NCALD: variants seen among roughly 807,000 people sequenced by gnomAD.
NCALD encodes neurocalcin delta, also known as neurocalcin-delta.
Under a neutral mutation model 18.6 loss-of-function variants are expected in NCALD, and 10 were observed. That is an observed-to-expected ratio of 0.54 (90% CI 0.33 to 0.91). NCALD has a LOEUF of 0.91. Among genes scored for constraint, NCALD ranks in the 40% least tolerant of loss-of-function variants. NCALD has a pLI of 0.03. For synonymous variants in NCALD, 88 were observed against 87.4 expected (o/e 1.01, Z -0.04); for missense variants, 184 against 247.6 (o/e 0.74, Z 1.72).
chr8:101,749,283 G>T (rs1026923990), intron 1 of NCALD, among the ~76,000 whole-genome samples: 1 of 152,160 alleles, frequency 6.6e-6, no homozygotes, highest in Non-Finnish European at 1.5e-5. Flanking sequence ...TGGCTCTGCA[G>T]AATGGATAGT....
chr8:102,124,812 T>G (rs1826059738), upstream of NCALD: 1 of 152,198 alleles, frequency 6.6e-6, no homozygotes, highest in Non-Finnish European at 1.5e-5. Flanking sequence ...GGGGGCTGCT[T>G]TTGTCTAACT....
At chr8:101,696,503 A>G (rs1814999157) in intron 2 of NCALD, among the ~76,000 whole-genome samples, 1 of 152,176 alleles carries the variant, frequency 6.6e-6, no homozygotes, top group Admixed American at 6.5e-5. Context: ...GCAAAACACC[A>G]TGTGGAAGCC....
At chr8:101,730,372 C>A (rs868451482) in intron 1 of NCALD, among the ~76,000 whole-genome samples, 1 of 145,998 alleles carries the variant, frequency 6.8e-6, no homozygotes. Context: ...CCCAGCTACT[C>A]GGGAGGCTGA....
intron 4 of NCALD, among the ~76,000 whole-genome samples, chr8:101,815,315 A>T (rs1193594420): frequency 1.3e-5 from 2 of 152,082 alleles, no homozygotes; most frequent in East Asian, 3.8e-4. Context: ...GACCCACATA[A>T]ATACAGTCAT....
At position 101,856,368 on chromosome 8, in the gene NCALD, T is replaced by G. The variant is rs192016401; in HGVS notation, c.-20+30773A>C. On this transcript the variant is annotated intron_variant, in intron 4 of 6. Coordinates refer to the NCALD transcript ENST00000311028. ...TTATATTTTTCTTTGAGATGAGGTT[T>G]CTCTATGTTGCCCAGGCTGGCCTTG... Among the ~76,000 whole-genome samples the G allele has an allele frequency of 1.1e-3, 160 of 152,230 alleles. 2 individuals carry two copies. The highest frequency in any genetic ancestry group is 0.01 in the South Asian group (49 of 4,832).
chr8:101,864,785 G>A lies in NCALD; in HGVS notation c.-20+22356C>T, dbSNP rs187042171. ...AGTTTTTGGTATTTTTAGTAGAGAC[G>A]GGGTTTCACCATGTTGGCTAGGCTG... On this transcript the variant is annotated intron_variant, in intron 4 of 6. Transcript: ENST00000311028. 1.9e-3 allele frequency among the ~76,000 whole-genome samples: 291 copies of A among 151,884 alleles called. 2 individuals carry two copies. Among genetic ancestry groups the A allele is most frequent in the Non-Finnish European group, 2.9e-3 (194 of 67,932 alleles).
At chr8:101,794,409 C>A (rs1253173584), upstream of NCALD, among the ~76,000 whole-genome samples, 3 of 151,912 alleles carry the variant, frequency 2.0e-5, no homozygotes, top group Non-Finnish European at 4.4e-5. Context: ...CTCCAACCCC[C>A]AACCTCAAAA....
intron 4 of NCALD, among the ~76,000 whole-genome samples, chr8:101,806,837 T>C (rs1382018935): frequency 6.8e-6 from 1 of 147,060 alleles, no homozygotes; most frequent in Non-Finnish European, 1.5e-5. Flanking sequence ...TAAACACAAA[T>C]AGATCCACAC....
At chr8:101,830,672 T>G (rs1004277307) in intron 4 of NCALD, among the ~76,000 whole-genome samples, 9 of 152,106 alleles carry the variant, frequency 5.9e-5, no homozygotes, top group African/African-American at 2.2e-4. Flanking sequence ...GGGGCTCCAC[T>G]GCCTTTGGGG....
intron 4 of NCALD, among the ~76,000 whole-genome samples, chr8:101,818,760 C>T (rs749611516): frequency 9.2e-5 from 14 of 152,142 alleles, no homozygotes; most frequent in Non-Finnish European, 1.5e-4. Context: ...AATCCCAGCA[C>T]TTTGGGAGGC....
In NCALD at chr8:102,074,775, G is replaced by T. The variant is rs972675922; in HGVS notation, c.-210+49462C>A. On this transcript the variant is annotated intron_variant, in intron 1 of 6. Coordinates refer to the NCALD transcript ENST00000311028. ...TACTTTCTTCTATAAAGAACTTGAAGATGCTTGTAAAATATATGCAATAAA... is the reference window on the plus strand; with the variant it reads ...TACTTTCTTCTATAAAGAACTTGAATATGCTTGTAAAATATATGCAATAAA... 2.6e-4 allele frequency among the ~76,000 whole-genome samples: 40 copies of T among 152,288 alleles called. No individual in the cohort carries two copies. In the Middle Eastern group the frequency reaches 0.01, roughly 39 times the overall value.
At chr8:102,050,017 C>A (rs1486821248) in intron 1 of NCALD, among the ~76,000 whole-genome samples, 1 of 149,444 alleles carries the variant, frequency 6.7e-6, no homozygotes. Flanking sequence ...AAAAAATTAG[C>A]CGGGCGCGGT....
chr8:101,835,032 T>C (rs573187859), intron 4 of NCALD, among the ~76,000 whole-genome samples: 9 of 152,360 alleles, frequency 5.9e-5, no homozygotes, highest in African/African-American at 2.2e-4. Context: ...AGAGATTAAC[T>C]GGGTCAAAAG....
chr8:101,959,213 C>T (rs1381677403), intron 2 of NCALD, among the ~76,000 whole-genome samples: 1 of 152,054 alleles, frequency 6.6e-6, no homozygotes, highest in South Asian at 2.1e-4. Context: ...TTGAAGATTA[C>T]AGGCTAGTTA....
intron 2 of NCALD, among the ~76,000 whole-genome samples, chr8:101,956,110 ATAATTTAAAG>A (rs1318953909): frequency 6.6e-6 from 1 of 152,204 alleles, no homozygotes. Context: ...GTTTGAAATT[ATAATTTAAAG>A]TAACCCCATA....
intron 1 of NCALD, among the ~76,000 whole-genome samples, chr8:101,765,155 C>T (rs1177286247): frequency 6.6e-6 from 1 of 152,196 alleles, no homozygotes; most frequent in African/African-American, 2.4e-5. Context: ...GACTTCTATA[C>T]ACGGCACTCC....
At chr8:101,798,382 C>A (rs528556284) in intron 4 of NCALD, among the ~76,000 whole-genome samples, 1 of 152,234 alleles carries the variant, frequency 6.6e-6, no homozygotes, top group South Asian at 2.1e-4. Context: ...CATGTAGAGA[C>A]TGAATTTTAA....
intron 3 of NCALD, among the ~76,000 whole-genome samples, chr8:101,913,664 C>T (rs896712890): frequency 3.9e-5 from 6 of 152,164 alleles, no homozygotes; most frequent in Non-Finnish European, 7.3e-5. Context: ...CTCACCACAA[C>T]CTCCGCCTCC....
intron 1 of NCALD, among the ~76,000 whole-genome samples, chr8:102,111,428 G>GTGTGTA (rs1177542762): frequency 5.3e-5 from 8 of 151,892 alleles, no homozygotes; most frequent in African/African-American, 1.9e-4. Context: ...GTGTGTGTGT[G>GTGTGTA]TGTGTGTGTG....
Sources: allele counts gnomAD v4.1 joint callset (sites outside exome capture counted in the v4.1 genomes callset), GRCh38; gene constraint gnomAD v4.1.1; transcripts MANE v1.5; gene names NCBI Gene and HGNC (gene_info 2026-07-23, HGNC 2026-07-21).